CAMKMT: variants seen among roughly 807,000 people sequenced by gnomAD.
The protein encoded by CAMKMT is calmodulin-lysine N-methyltransferase.
Under a neutral mutation model 48.0 loss-of-function variants are expected in CAMKMT, and 53 were observed. That is an observed-to-expected ratio of 1.10 (90% confidence interval 0.89 to 1.39). CAMKMT has a LOEUF of 1.39. CAMKMT is among the 40% of genes most tolerant of loss of function. The pLI is 0.00. For synonymous variants in CAMKMT, 165 were observed against 152.3 expected (o/e 1.08, Z -0.61); for missense variants, 428 against 402.7 (o/e 1.06, Z -0.54).
chr2:44,550,357 T>C (rs1294735498), intron 3 of CAMKMT, among the ~76,000 whole-genome samples: 2 of 149,582 alleles, frequency 1.3e-5, no homozygotes, highest in African/African-American at 4.9e-5. Context: ...GCCACTGCAC[T>C]CCAGCCTGGG....
intron 3 of CAMKMT, among the ~76,000 whole-genome samples, chr2:44,457,427 C>T (rs1667621870): frequency 7.0e-6 from 1 of 142,008 alleles, no homozygotes; most frequent in East Asian, 2.0e-4. Context: ...GAGACAGAAT[C>T]TTGCTCTGTC....
chr2:44,671,378 G>C (rs1241706306), intron 3 of CAMKMT, among the ~76,000 whole-genome samples: 1 of 152,114 alleles, frequency 6.6e-6, no homozygotes, highest in East Asian at 1.9e-4. Flanking sequence ...GCCTCAGATG[G>C]GTAACAGGAA....
At chr2:44,412,640 G>T (rs1178136578) in intron 3 of CAMKMT, among the ~76,000 whole-genome samples, 1 of 152,016 alleles carries the variant, frequency 6.6e-6, no homozygotes, top group East Asian at 1.9e-4. Flanking sequence ...CCAGCCAGGT[G>T]AGTCTTTTGA....
In CAMKMT at chr2:44,747,736, C is replaced by G. The variant is rs545686452; in HGVS notation, c.698+4040C>G. Among the ~76,000 whole-genome samples the G allele has an allele frequency of 6.6e-5, 10 of 152,326 alleles. No homozygotes were observed. The South Asian group carries it at 1.9e-3, about 28-fold the overall frequency. On this transcript the variant is annotated intron_variant, in intron 8 of 10. Transcript: ENST00000378494. ...TTCCCTATGAGAGGAATTACAGATG[C>G]TCTGCAGTCTGCATGAAACTGATTC...
chr2:44,577,801 G>T (rs947555062), intron 3 of CAMKMT, among the ~76,000 whole-genome samples: 2 of 151,988 alleles, frequency 1.3e-5, no homozygotes, highest in Admixed American at 6.6e-5. Flanking sequence ...TGGGAACAGG[G>T]GGCTGCAGTG....
intron 7 of CAMKMT, among the ~76,000 whole-genome samples, chr2:44,740,929 G>A (rs1679643102): frequency 6.6e-6 from 1 of 152,212 alleles, no homozygotes; most frequent in African/African-American, 2.4e-5. Context: ...TGAAAGATAG[G>A]AGGGGTTGGT....
chr2:44,753,987 A>G, intron 8 of CAMKMT, 68 bp from the exon 9 acceptor site: 4 of 1,094,276 alleles, frequency 3.7e-6, no homozygotes, highest in East Asian at 4.8e-5. Flanking sequence ...CCTTGTACTT[A>G]TCTCCATTAG....
intron 8 of CAMKMT, among the ~76,000 whole-genome samples, 161 bp from the exon 9 acceptor site, chr2:44,753,894 C>G (rs1400301970): frequency 1.3e-5 from 2 of 152,220 alleles, no homozygotes; most frequent in Admixed American, 1.3e-4. Context: ...AATATCTTCT[C>G]CCCTCCCACC....
chr2:44,602,585 A>G (rs1671060082), intron 3 of CAMKMT, among the ~76,000 whole-genome samples: 1 of 152,078 alleles, frequency 6.6e-6, no homozygotes, highest in African/African-American at 2.4e-5. Context: ...ATTGACTCAC[A>G]GTTCCACAAG....
At chr2:44,429,869 T>C (rs1684537994) in intron 3 of CAMKMT, among the ~76,000 whole-genome samples, 1 of 151,536 alleles carries the variant, frequency 6.6e-6, no homozygotes, top group African/African-American at 2.4e-5. Flanking sequence ...GGTGCTAATT[T>C]ACCCATAATT....
chr2:44,692,813 A>G (rs1573092314), intron 3 of CAMKMT, among the ~76,000 whole-genome samples: 1 of 152,178 alleles, frequency 6.6e-6, no homozygotes, highest in East Asian at 1.9e-4. Context: ...CAGAAAGGAT[A>G]AATTACTTTC....
At chr2:44,365,296 C>G (rs924491954) in intron 1 of CAMKMT, among the ~76,000 whole-genome samples, 7 of 152,044 alleles carry the variant, frequency 4.6e-5, no homozygotes, top group Non-Finnish European at 7.4e-5. Context: ...GTTAACTATT[C>G]AGTATTTTCT....
In CAMKMT at chr2:44,661,921, A is replaced by T. The variant is rs190887384; in HGVS notation, c.377-42362A>T. ...ACATGAGTCCTTGCTGGGCCCTGTG[A>T]ATCTCCTTTATATCACATCAGACTT... On this transcript the variant is annotated intron_variant, in intron 3 of 10. Transcript: ENST00000378494. Among the ~76,000 whole-genome samples, 42 of 152,270 alleles carry T rather than the reference A, an allele frequency of 2.8e-4. 1 individual carries two copies. The highest frequency in any genetic ancestry group is 2.7e-3 in the Admixed American group (42 of 15,284).
At chr2:44,578,713 C>G (rs1428821697) in intron 3 of CAMKMT, among the ~76,000 whole-genome samples, 1 of 151,992 alleles carries the variant, frequency 6.6e-6, no homozygotes, top group Non-Finnish European at 1.5e-5. Flanking sequence ...GAGGAGATAT[C>G]TTAGGGTTGT....
At chr2:44,556,450 C>CTTTTTTT (rs1176467214) in intron 3 of CAMKMT, among the ~76,000 whole-genome samples, 10 of 50,278 alleles carry the variant, frequency 2.0e-4, no homozygotes, top group African/African-American at 6.4e-4. Context: ...ATTTTTCTTT[C>CTTTTTTT]TTTTTTTTTT....
intron 3 of CAMKMT, among the ~76,000 whole-genome samples, chr2:44,630,782 C>G (rs1266757699): frequency 3.3e-5 from 5 of 150,902 alleles, no homozygotes; most frequent in African/African-American, 1.2e-4. Flanking sequence ...AATAGGAACA[C>G]TTTTACACTG....
intron 3 of CAMKMT, among the ~76,000 whole-genome samples, chr2:44,485,007 C>G (rs79532486): frequency 2.0e-5 from 3 of 151,922 alleles, no homozygotes; most frequent in Non-Finnish European, 4.4e-5. Context: ...CAAATTGAAA[C>G]CAAAATAAGA....
chr2:44,724,318 T>A, intron 7 of CAMKMT, among the ~76,000 whole-genome samples: 1 of 152,170 alleles, frequency 6.6e-6, no homozygotes, highest in East Asian at 1.9e-4. Flanking sequence ...TAAATGTAAA[T>A]TCATACAGGT....
chr2:44,704,749 G>A (rs1236438513), intron 4 of CAMKMT, among the ~76,000 whole-genome samples: 1 of 149,804 alleles, frequency 6.7e-6, no homozygotes, highest in Non-Finnish European at 1.5e-5. Context: ...ACTACAGAAT[G>A]TCTGATAGAT....
Sources: allele counts gnomAD v4.1 joint callset (sites outside exome capture counted in the v4.1 genomes callset), GRCh38; gene constraint gnomAD v4.1.1; transcripts MANE v1.5; gene names NCBI Gene and HGNC (gene_info 2026-07-23, HGNC 2026-07-21).